RGS7: variants seen among roughly 807,000 people sequenced by gnomAD.
The protein encoded by RGS7 is regulator of G-protein signaling 7.
In RGS7, 27 loss-of-function variants were observed where a neutral mutation model predicts 81.1. That is an observed-to-expected ratio of 0.33 (90% CI 0.25 to 0.46). The LOEUF is 0.46. Ranked by LOEUF, RGS7 falls within the 20% of genes least tolerant of loss-of-function variation. The pLI, the probability that RGS7 is intolerant of heterozygous loss-of-function variation, is 1.00. For synonymous variants in RGS7, 208 were observed against 207.7 expected (o/e 1.00, Z -0.01); for missense variants, 396 against 607.4 (o/e 0.65, Z 3.66).
chr1:240,889,704 A>C lies in RGS7; in HGVS notation c.386-19585T>G, dbSNP rs80150014. Reference sequence around the variant, plus strand: ...GTTATCTTGATCGGTGAAATACATTAGTTTTTTGTTGTTGTTCCAAATCAG... The same window carrying C: ...GTTATCTTGATCGGTGAAATACATTCGTTTTTTGTTGTTGTTCCAAATCAG... On this transcript the variant is annotated intron_variant, in intron 6 of 18. Transcript: ENST00000440928. 8.5e-5 allele frequency among the ~76,000 whole-genome samples: 13 copies of C among 152,338 alleles called. No individual in the cohort carries two copies. The East Asian group carries it at 2.5e-3, about 29-fold the overall frequency.
At chr1:241,133,371 G>C (rs1299734156) in intron 2 of RGS7, among the ~76,000 whole-genome samples, 1 of 149,954 alleles carries the variant, frequency 6.7e-6, no homozygotes, top group Non-Finnish European at 1.5e-5. Flanking sequence ...ATAAGTCTAA[G>C]GGCAAAAAAA....
chr1:241,132,882 C>G (rs1224985119), intron 2 of RGS7, among the ~76,000 whole-genome samples: 2 of 152,108 alleles, frequency 1.3e-5, no homozygotes, highest in Non-Finnish European at 2.9e-5. Flanking sequence ...CCTGCCTCAG[C>G]CTCCCAAGTA....
At chr1:241,351,603 A>G (rs1452846139) in intron 2 of RGS7, among the ~76,000 whole-genome samples, 4 of 152,204 alleles carry the variant, frequency 2.6e-5, no homozygotes. Context: ...CTAAATAAAC[A>G]GTGCAAATTA....
chr1:240,989,275 TAA>T (rs879360828), intron 3 of RGS7, among the ~76,000 whole-genome samples: 12 of 138,222 alleles, frequency 8.7e-5, no homozygotes, highest in Non-Finnish European at 1.4e-4. Context: ...CTGTCTCTAC[TAA>T]AAAAAAAAAA....
At chr1:241,089,797 A>T (rs2063750514) in intron 3 of RGS7, among the ~76,000 whole-genome samples, 1 of 152,092 alleles carries the variant, frequency 6.6e-6, no homozygotes, top group Non-Finnish European at 1.5e-5. Context: ...CGAGGTCAGG[A>T]GATCGAGACC....
chr1:240,902,056 G>C (rs752725292), intron 6 of RGS7, among the ~76,000 whole-genome samples: 4 of 152,130 alleles, frequency 2.6e-5, no homozygotes, highest in Admixed American at 2.6e-4. Flanking sequence ...CATCAGAAAG[G>C]CTGCTTTCCT....
At chr1:241,256,203 G>C (rs2077046182) in intron 2 of RGS7, among the ~76,000 whole-genome samples, 1 of 151,454 alleles carries the variant, frequency 6.6e-6, no homozygotes, top group South Asian at 2.1e-4. Context: ...AGAAAATTAG[G>C]GTGTCAATAT....
At chr1:241,230,833 C>A (rs1258049635) in intron 2 of RGS7, among the ~76,000 whole-genome samples, 1 of 152,166 alleles carries the variant, frequency 6.6e-6, no homozygotes, top group Admixed American at 6.5e-5. Context: ...CTTTGGTTGT[C>A]CCCATATTGC....
rs1346373977 is a variant in RGS7 at position 241,197,444 on chromosome 1, C to T, written c.79-98682G>A. Among the ~76,000 whole-genome samples the T allele has an allele frequency of 3.5e-4, 9 of 25,414 alleles. 2 individuals carry two copies. The highest frequency in any genetic ancestry group is 1.0e-3 in the African/African-American group (9 of 8,702). The allele number at this position is 25,414 out of a possible 152,430, so 16.7% of individuals were successfully genotyped here. ...TAATTTTTTGTATTTTTAGTAGAGA[C>T]GGGGTTTCACCGTTTTAGCCGGGAT... On this transcript the variant is annotated intron_variant, in intron 2 of 18. Coordinates refer to ENST00000440928, the MANE Select transcript of RGS7 (RefSeq NM_001364886.1).
intron 2 of RGS7, among the ~76,000 whole-genome samples, chr1:241,295,966 T>C (rs1473201759): frequency 6.6e-6 from 1 of 152,166 alleles, no homozygotes; most frequent in African/African-American, 2.4e-5. Flanking sequence ...GAGATCAATA[T>C]TAGTCACAAA....
At chr1:241,343,010 C>G (rs1221813190) in intron 2 of RGS7, among the ~76,000 whole-genome samples, 1 of 152,140 alleles carries the variant, frequency 6.6e-6, no homozygotes, top group Non-Finnish European at 1.5e-5. Context: ...CACCTGGAAT[C>G]TCAGCACTTT....
At chr1:241,285,165 C>T (rs915737031) in intron 2 of RGS7, among the ~76,000 whole-genome samples, 5 of 152,166 alleles carry the variant, frequency 3.3e-5, no homozygotes, top group Admixed American at 2.6e-4. Context: ...CCACCGCGCC[C>T]GGCCAAGTAT....
chr1:240,852,323 A>C (rs976565998), intron 9 of RGS7, among the ~76,000 whole-genome samples: 19 of 152,128 alleles, frequency 1.2e-4, no homozygotes, highest in African/African-American at 4.3e-4. Context: ...TGTTTAAATT[A>C]AGGTATGTGC....
rs146347573 is a variant in RGS7, at chr1:241,204,417, G to A, written c.79-105655C>T. ...TGTGGTGTGCAAGTTCTTAAAATAT[G>A]TACTGCATATCATACATTTTAGGTG... On this transcript the variant is annotated intron_variant, in intron 2 of 18. Transcript: ENST00000440928. Among the ~76,000 whole-genome samples, 206 of 152,292 alleles carry A rather than the reference G, an allele frequency of 1.4e-3. No homozygotes were observed. The Middle Eastern group carries it at 0.014, about 10-fold the overall frequency.
At chr1:240,878,776 T>TC (rs1440736881) in intron 6 of RGS7, among the ~76,000 whole-genome samples, 2 of 152,174 alleles carry the variant, frequency 1.3e-5, no homozygotes, top group African/African-American at 2.4e-5. Flanking sequence ...CTGCTTTTTT[T>TC]CACTTAAAAT....
intron 2 of RGS7, among the ~76,000 whole-genome samples, chr1:241,141,916 G>T (rs747787406): frequency 6.6e-6 from 1 of 152,216 alleles, no homozygotes; most frequent in Non-Finnish European, 1.5e-5. Flanking sequence ...TCAAAAGCAG[G>T]TTAGTTACTT....
At chr1:241,057,954 G>A (rs1288167298) in intron 3 of RGS7, among the ~76,000 whole-genome samples, 1 of 152,182 alleles carries the variant, frequency 6.6e-6, no homozygotes, top group African/African-American at 2.4e-5. Context: ...AGTCAGGCAT[G>A]AGTAGGGGAG....
intron 2 of RGS7, among the ~76,000 whole-genome samples, chr1:241,174,774 A>G (rs746458426): frequency 7.3e-5 from 11 of 151,580 alleles, no homozygotes; most frequent in Non-Finnish European, 1.3e-4. Context: ...GAGTATTTCT[A>G]TGAGAGGTGG....
chr1:241,246,584 G>A (rs1390081666), intron 2 of RGS7, among the ~76,000 whole-genome samples: 1 of 152,152 alleles, frequency 6.6e-6, no homozygotes, highest in African/African-American at 2.4e-5. Context: ...AGACTTAGAG[G>A]AAGCATGGCT....
Sources: gnomAD v4.1 joint callset for allele counts (sites outside exome capture counted in the v4.1 genomes callset) on GRCh38, gnomAD v4.1.1 for gene constraint, MANE v1.5 for transcripts, NCBI Gene and HGNC (gene_info 2026-07-23, HGNC 2026-07-21) for gene names.